Variants in ARHGAP10 observed in about 807,000 individuals in gnomAD.
The protein encoded by ARHGAP10 is rho GTPase-activating protein 10.
ARHGAP10 carries 87 observed loss-of-function variants against 108.6 expected under a neutral mutation model. The observed-to-expected ratio is 0.80, with a 90% CI of 0.67 to 0.96. The LOEUF is 0.96. Ranked by LOEUF, ARHGAP10 falls within the 40% of genes least tolerant of loss-of-function variation. The probability of loss-of-function intolerance (pLI) is 0.00; values close to 1 mark genes in which losing one functional copy is unlikely to be tolerated. For synonymous variants in ARHGAP10, 347 were observed against 341.1 expected (o/e 1.02, Z -0.19); for missense variants, 939 against 954.5 (o/e 0.98, Z 0.21).
intron 19 of ARHGAP10, among the ~76,000 whole-genome samples, chr4:148,035,374 G>A (rs1728331339): frequency 6.6e-6 from 1 of 152,100 alleles, no homozygotes; most frequent in South Asian, 2.1e-4. Flanking sequence ...GTTTTGGGGG[G>A]AATGCAGAGC....
chr4:147,912,578 T>TAG (rs1736797303), intron 12 of ARHGAP10, among the ~76,000 whole-genome samples: 1 of 122,866 alleles, frequency 8.1e-6, no homozygotes, highest in Admixed American at 9.0e-5. Flanking sequence ...TATATATATA[T>TAG]ATATATATAT....
At chr4:147,956,787 A>G (rs934005016) in intron 16 of ARHGAP10, among the ~76,000 whole-genome samples, 7 of 141,880 alleles carry the variant, frequency 4.9e-5, no homozygotes, top group Admixed American at 1.4e-4. Context: ...TTTAAGTTTT[A>G]GGGTACATGT....
chr4:147,923,402 T>G (rs1353939283), intron 13 of ARHGAP10, among the ~76,000 whole-genome samples: 1 of 152,208 alleles, frequency 6.6e-6, no homozygotes, highest in Non-Finnish European at 1.5e-5. Context: ...AGTAACACTC[T>G]TTTGCTTAAA....
chr4:147,985,904 A>G (rs1409455807), intron 18 of ARHGAP10, among the ~76,000 whole-genome samples: 1 of 152,174 alleles, frequency 6.6e-6, no homozygotes, highest in African/African-American at 2.4e-5. Context: ...CCTCTTATGT[A>G]TTGAGGCTTC....
intron 3 of ARHGAP10, among the ~76,000 whole-genome samples, chr4:147,823,437 A>C (rs1043367784): frequency 1.3e-5 from 2 of 152,188 alleles, no homozygotes; most frequent in African/African-American, 4.8e-5. Flanking sequence ...CTTTGCATCA[A>C]GATTCATGAT....
At chr4:147,975,092 C>T (rs1406851562) in intron 18 of ARHGAP10, among the ~76,000 whole-genome samples, 1 of 152,166 alleles carries the variant, frequency 6.6e-6, no homozygotes, top group African/African-American at 2.4e-5. Flanking sequence ...GACTTTGTGC[C>T]AAGGGACAAT....
rs115810467 is a variant in ARHGAP10, at chr4:147,952,419, T to C, written c.1392-2897T>C. The stretch of plus-strand genomic sequence containing the variant: ...TTTCCTTTTCATTCTTGCCAACTCT[T>C]AAGCTGGTCAATCTTTTTCATTTTA... On this transcript the variant is annotated intron_variant, in intron 15 of 22. Transcript: ENST00000336498. 8.1e-3 allele frequency among the ~76,000 whole-genome samples: 1,227 copies of C among 152,344 alleles called. 11 individuals are homozygous for C. Among genetic ancestry groups the C allele is most frequent in the South Asian group, 0.029 (141 of 4,822 alleles).
chr4:147,766,687 G>T (rs1196695070), intron 1 of ARHGAP10, among the ~76,000 whole-genome samples: 3 of 145,338 alleles, frequency 2.1e-5, no homozygotes, highest in African/African-American at 7.5e-5. Context: ...CAGCCTGGGC[G>T]ATAGAGCAAG....
chr4:147,990,049 C>T (rs1304044829), intron 18 of ARHGAP10, among the ~76,000 whole-genome samples: 1 of 152,168 alleles, frequency 6.6e-6, no homozygotes, highest in Non-Finnish European at 1.5e-5. Flanking sequence ...CCCTGACTTC[C>T]CGCAACACTC....
rs192692194 is a variant in ARHGAP10 at position 148,063,959 on chromosome 4, G to A, written c.2181-457G>A. Among the ~76,000 whole-genome samples, 274 of 152,336 alleles carry A rather than the reference G, an allele frequency of 1.8e-3. 2 individuals carry two copies. Among genetic ancestry groups the A allele is most frequent in the African/African-American group, 6.2e-3 (257 of 41,572 alleles). ...AAGAGCAACAAGCCCCTTCTAGAGCGGTGGCCACCCGGAGTGGATCTGGGC... is the reference window on the plus strand; with the variant it reads ...AAGAGCAACAAGCCCCTTCTAGAGCAGTGGCCACCCGGAGTGGATCTGGGC... On this transcript the variant is annotated intron_variant, in intron 21 of 22. Transcript: ENST00000336498.
intron 18 of ARHGAP10, among the ~76,000 whole-genome samples, chr4:147,985,285 G>T (rs1739993726): frequency 6.6e-6 from 1 of 152,186 alleles, no homozygotes; most frequent in South Asian, 2.1e-4. Flanking sequence ...GCACAGGAAA[G>T]ATGGGTGGCT....
intron 14 of ARHGAP10, chr4:147,946,198 C>G (rs1469740030): frequency 6.4e-6 from 1 of 156,600 alleles, no homozygotes; most frequent in Non-Finnish European, 1.4e-5. Context: ...TCTATCAATA[C>G]ACAGTATGAG....
At chr4:147,914,565 C>T (rs1262241542) in intron 13 of ARHGAP10, among the ~76,000 whole-genome samples, 3 of 110,740 alleles carry the variant, frequency 2.7e-5, no homozygotes, top group Non-Finnish European at 3.6e-5. Flanking sequence ...CTCCCCCCCC[C>T]CCCTTTTTTT....
intron 15 of ARHGAP10, among the ~76,000 whole-genome samples, 184 bp from the exon 16 acceptor site, chr4:147,955,132 G>GT (rs1296952235): frequency 1.3e-5 from 2 of 152,050 alleles, no homozygotes; most frequent in Non-Finnish European, 2.9e-5. Context: ...ATAGTGCTTG[G>GT]TGCCAACAGC....
intron 3 of ARHGAP10, among the ~76,000 whole-genome samples, chr4:147,835,513 A>G (rs1733133570): frequency 6.6e-6 from 1 of 152,040 alleles, no homozygotes; most frequent in Admixed American, 6.6e-5. Flanking sequence ...AGCTGGGGTT[A>G]CAGGCATGTG....
At chr4:147,838,497 A>C (rs1733264593) in intron 3 of ARHGAP10, among the ~76,000 whole-genome samples, 1 of 150,228 alleles carries the variant, frequency 6.7e-6, no homozygotes, top group African/African-American at 2.4e-5. Flanking sequence ...ACACACACAC[A>C]CACCAAAGAC....
At chr4:147,739,123 G>A (rs539992993) in intron 1 of ARHGAP10, among the ~76,000 whole-genome samples, 1 of 150,072 alleles carries the variant, frequency 6.7e-6, no homozygotes, top group East Asian at 2.0e-4. Context: ...GGAGACGGAG[G>A]TTGCAGTGAG....
intron 20 of ARHGAP10, among the ~76,000 whole-genome samples, chr4:148,051,819 A>G (rs1316548014): frequency 6.6e-6 from 1 of 152,194 alleles, no homozygotes; most frequent in Non-Finnish European, 1.5e-5. Flanking sequence ...TCCTATTCCC[A>G]TATACAGCCT....
intron 1 of ARHGAP10, among the ~76,000 whole-genome samples, chr4:147,771,768 C>T (rs530450670): frequency 7.9e-5 from 12 of 152,166 alleles, no homozygotes; most frequent in Admixed American, 2.0e-4. Context: ...TCATCTTCCT[C>T]GCCTCCACTC....
Sources: gnomAD v4.1 joint callset for allele counts (sites outside exome capture counted in the v4.1 genomes callset) on GRCh38, gnomAD v4.1.1 for gene constraint, MANE v1.5 for transcripts, NCBI Gene and HGNC (gene_info 2026-07-23, HGNC 2026-07-21) for gene names.